The following ARHGAP10 variants were observed in gnomAD, a reference collection of about 807,000 sequenced individuals.
The protein encoded by ARHGAP10 is Rho GTPase activating protein 10.
A neutral mutation model predicts 108.6 loss-of-function variants in ARHGAP10; 87 were observed. The observed-to-expected ratio is 0.80, with a 90% CI of 0.67 to 0.96. ARHGAP10 has a LOEUF of 0.96. Among genes scored for constraint, ARHGAP10 ranks in the 40% least tolerant of loss-of-function variants. The pLI is 0.00. For missense variants in ARHGAP10, 939 were observed against 954.5 expected (o/e 0.98, Z 0.21); for synonymous variants, 347 against 341.1 (o/e 1.02, Z -0.19).
chr4:147,977,487 A>G (rs1739638988), intron 18 of ARHGAP10, among the ~76,000 whole-genome samples: 1 of 152,182 alleles, frequency 6.6e-6, no homozygotes, highest in African/African-American at 2.4e-5. Context: ...AATAATAATT[A>G]TAATAGCTAA....
rs755732394 is a variant in ARHGAP10, at chr4:147,913,107, T to C, written c.1196T>C (p.Ile399Thr). 6 of 1,614,016 alleles carry C rather than the reference T, an allele frequency of 3.7e-6. No individual in the cohort carries two copies. The South Asian group carries it at 6.6e-5, about 18-fold the overall frequency. ...TTGGATAAGATGGGGTTCACAATTA[T>C]CAGAAAATGCATCAGTGCCGTTGAA... is the stretch of plus-strand genomic sequence containing the variant. ...AQLDKMGFTIIRKCISAVETR... is the reference protein window; with the variant it reads ...AQLDKMGFTITRKCISAVETR... Residue 399 changes from isoleucine to threonine, a missense_variant, in exon 13 of 23, where the codon ATC (isoleucine) becomes ACC (threonine). By Grantham distance (89) the Ile-to-Thr change is moderately conservative. Coordinates refer to ENST00000336498, the MANE Select transcript of ARHGAP10 (RefSeq NM_024605.4).
chr4:147,926,355 A>T (rs1258831532), intron 13 of ARHGAP10, among the ~76,000 whole-genome samples: 1 of 152,180 alleles, frequency 6.6e-6, no homozygotes, highest in Non-Finnish European at 1.5e-5. Context: ...TGCAGTGGAA[A>T]GAAGGGATGG....
rs192461289 is a variant in ARHGAP10, at chr4:147,779,062, T to C, written c.155-43665T>C. Among the ~76,000 whole-genome samples the C allele has an allele frequency of 2.6e-4, 40 of 152,322 alleles. No individual in the cohort carries two copies. The East Asian group carries it at 5.6e-3, about 21-fold the overall frequency. On this transcript the variant is annotated intron_variant, in intron 1 of 22. Coordinates refer to ENST00000336498, the MANE Select transcript of ARHGAP10 (RefSeq NM_024605.4). The stretch of plus-strand genomic sequence containing the variant: ...GGCAGTGGTTCCCAGGGTTTGTGTG[T>C]ATCAGTCATCTGCTGGACTGCATCT...
intron 3 of ARHGAP10, among the ~76,000 whole-genome samples, chr4:147,828,757 A>G (rs1732823818): frequency 6.6e-6 from 1 of 152,176 alleles, no homozygotes; most frequent in African/African-American, 2.4e-5. Flanking sequence ...TACTAAAGTG[A>G]ATTGTTGGAG....
chr4:147,787,228 A>G (rs182121427), intron 1 of ARHGAP10, among the ~76,000 whole-genome samples: 2 of 152,276 alleles, frequency 1.3e-5, no homozygotes, highest in Non-Finnish European at 2.9e-5. Context: ...TTCTGGTAGA[A>G]GTAGTATTTA....
chr4:147,877,989 G>A (rs559010502), intron 8 of ARHGAP10, among the ~76,000 whole-genome samples: 3 of 150,844 alleles, frequency 2.0e-5, no homozygotes, highest in African/African-American at 7.3e-5. Context: ...CAGGCTGGAG[G>A]GCAGTGGCAC....
At chr4:147,850,508 T>C (rs1733832096) in intron 4 of ARHGAP10, among the ~76,000 whole-genome samples, 1 of 152,176 alleles carries the variant, frequency 6.6e-6, no homozygotes, top group African/African-American at 2.4e-5. Context: ...GACAACTCTC[T>C]ATGCGCCACC....
intron 1 of ARHGAP10, among the ~76,000 whole-genome samples, chr4:147,815,839 C>T (rs990161804): frequency 1.3e-5 from 2 of 152,206 alleles, no homozygotes; most frequent in African/African-American, 4.8e-5. Flanking sequence ...GCACGCTAGT[C>T]TAGGTGACAG....
chr4:147,786,383 G>A (rs1257473108), intron 1 of ARHGAP10, among the ~76,000 whole-genome samples: 8 of 152,186 alleles, frequency 5.3e-5, no homozygotes, highest in Admixed American at 2.0e-4. Flanking sequence ...GGGAAGTCTA[G>A]GAGCCTGCTG....
chr4:148,054,778 T>G (rs1232308005), intron 20 of ARHGAP10, among the ~76,000 whole-genome samples: 2 of 152,212 alleles, frequency 1.3e-5, no homozygotes, highest in Admixed American at 1.3e-4. Flanking sequence ...CATTTATAAC[T>G]TATTCTGAGC....
intron 19 of ARHGAP10, among the ~76,000 whole-genome samples, chr4:148,026,914 TA>T (rs1322175763): frequency 1.3e-5 from 2 of 152,240 alleles, no homozygotes; most frequent in Non-Finnish European, 2.9e-5. Flanking sequence ...AAGATAACTC[TA>T]AAAATGTTAA....
Position 148,054,607 on chromosome 4 carries a change from G to A in ARHGAP10, c.2027+7556G>A, listed in dbSNP as rs143047224. Reference sequence around the variant, plus strand: ...GAGAAGCTCTAGATGTTGACCTGAAGTTGTGTTGTTTTTAGCAGTTACTGT... The same window carrying A: ...GAGAAGCTCTAGATGTTGACCTGAAATTGTGTTGTTTTTAGCAGTTACTGT... On this transcript the variant is annotated intron_variant, in intron 20 of 22. Transcript: ENST00000336498. Among the ~76,000 whole-genome samples, 316 of 152,336 alleles carry A rather than the reference G, an allele frequency of 2.1e-3. 1 individual carries two copies. Among genetic ancestry groups the A allele is most frequent in the African/African-American group, 7.1e-3 (294 of 41,572 alleles).
rs1728239299 is a variant in ARHGAP10 at position 147,732,217 on chromosome 4, G to A, written c.-85G>A. 7.4e-7 allele frequency: 1 copy of A among 1,360,276 alleles called. No homozygotes were observed. The highest frequency in any genetic ancestry group is 1.6e-5 in the African/African-American group (1 of 64,356). The allele number at this position is 1,360,276 out of a possible 1,614,324, so 84.3% of individuals were successfully genotyped here. On this transcript the variant is annotated 5_prime_UTR_variant, in exon 1 of 23. Coordinates refer to ENST00000336498, the MANE Select transcript of ARHGAP10 (RefSeq NM_024605.4). ...TAGCTCCTCTGTGCTCCCTGAACGCGCGGCGCCGCACCTGGCAGCGGCCTC... is the reference window on the plus strand; with the variant it reads ...TAGCTCCTCTGTGCTCCCTGAACGCACGGCGCCGCACCTGGCAGCGGCCTC...
At chr4:147,898,950 C>CT (rs1736109175) in intron 10 of ARHGAP10, among the ~76,000 whole-genome samples, 1 of 152,180 alleles carries the variant, frequency 6.6e-6, no homozygotes, top group Non-Finnish European at 1.5e-5. Context: ...CACCTTATAC[C>CT]TTACACCAGA....
intron 18 of ARHGAP10, among the ~76,000 whole-genome samples, 173 bp downstream of exon 18, chr4:147,967,012 G>A (rs1192210362): frequency 6.6e-6 from 1 of 152,146 alleles, no homozygotes; most frequent in Non-Finnish European, 1.5e-5. Flanking sequence ...TTCTGATGGA[G>A]TTCCATAAAT....
In ARHGAP10 at chr4:147,732,454, A is replaced by C; in HGVS notation, c.153A>C (p.Lys51Asn). 6.2e-7 allele frequency: 1 copy of C among 1,610,378 alleles called. No homozygotes were observed. Among genetic ancestry groups the C allele is most frequent in the Non-Finnish European group, 8.5e-7 (1 of 1,178,178 alleles). Residue 51 changes from lysine (K) to asparagine (N), a missense_variant and splice_region_variant, in exon 1 of 23, where the codon AAA becomes AAC. Transcript: ENST00000336498. ...KDGKNLIAATKSLSVAQRKFA... is the reference protein window; with the variant it reads ...KDGKNLIAATNSLSVAQRKFA... ...GGAAGAACCTCATCGCTGCGACGAAAAGTAAGCGGGGACGCGGGCGCGGAC... is the reference window on the plus strand; with the variant it reads ...GGAAGAACCTCATCGCTGCGACGAACAGTAAGCGGGGACGCGGGCGCGGAC...
At chr4:147,945,052 A>G (rs537010748) in intron 14 of ARHGAP10, among the ~76,000 whole-genome samples, 1 of 152,300 alleles carries the variant, frequency 6.6e-6, no homozygotes, top group East Asian at 1.9e-4. Flanking sequence ...ATAGGTTTGC[A>G]ACTCGCTTGT....
At chr4:147,783,826 G>A (rs62330676) in intron 1 of ARHGAP10, among the ~76,000 whole-genome samples, 1 of 99,952 alleles carries the variant, frequency 1.0e-5, no homozygotes, top group African/African-American at 4.0e-5. Context: ...ACATTAAATT[G>A]TGTATTATAT....
intron 20 of ARHGAP10, among the ~76,000 whole-genome samples, chr4:148,058,068 C>A (rs1243656805): frequency 6.6e-6 from 1 of 152,216 alleles, no homozygotes; most frequent in African/African-American, 2.4e-5. Flanking sequence ...CCTCTCCTGG[C>A]ACTTAAGGAA....
Sources: gnomAD v4.1 joint callset for allele counts (sites outside exome capture counted in the v4.1 genomes callset) on GRCh38, gnomAD v4.1.1 for gene constraint, MANE v1.5 for transcripts, NCBI Gene and HGNC (gene_info 2026-07-23, HGNC 2026-07-21) for gene names.